RAB37: variants seen among roughly 807,000 people sequenced by gnomAD.
RAB37 encodes the protein RAB37, member RAS oncogene family, also known as ras-related protein Rab-37.
Under a neutral mutation model 33.1 loss-of-function variants are expected in RAB37, and 29 were observed. The observed-to-expected ratio is 0.88, with a 90% CI of 0.65 to 1.20. RAB37 has a LOEUF of 1.20. Among genes scored for constraint, RAB37 ranks in the 50% most tolerant of loss-of-function variants. The pLI is 0.00. For missense variants in RAB37, 299 were observed against 301.1 expected, an observed-to-expected ratio of 0.99 and a Z score of 0.05; for synonymous variants, 128 against 119.5, an observed-to-expected ratio of 1.07 and a Z score of -0.47.
At position 74,671,613 on chromosome 17, in the gene RAB37, C is replaced by G. The variant is rs747745583; in HGVS notation, c.27C>G (p.Tyr9Ter). The change falls in exon 1 of 8, where the codon TAC becomes TAG. Residue 9 changes from tyrosine to a stop codon, truncating the protein, a stop_gained. Transcript: ENST00000340415. LOFTEE classifies it high-confidence loss of function. This position sits in a 1 kb window ranked among gnomAD's most constrained non-coding sequence, Gnocchi z 5.0. ...TGGACCTGCAGAGACCCGATTCCTA[C>G]CAGGGAGGAGCTGGCCCTGACTTCA... The G allele has an allele frequency of 6.2e-7, 1 of 1,614,214 alleles. No individual in the cohort carries two copies. Among genetic ancestry groups the G allele is most frequent in the South Asian group, 1.1e-5 (1 of 91,088 alleles).
In RAB37 at chr17:74,744,174, C is replaced by G; in HGVS notation, c.367-134C>G. On this transcript the variant is annotated intron_variant, in intron 5 of 8. Transcript: ENST00000392613. The surrounding 1 kb of genome is among the most constrained non-coding windows in gnomAD (Gnocchi z 4.2). ...CCATCCAGGCCTGGATGGGCCAGAA[C>G]AAAGGTACAGATGAGAGAACGCACA... 1 of 854,390 alleles carries G rather than the reference C, an allele frequency of 1.2e-6. No homozygotes were observed. Among genetic ancestry groups the G allele is most frequent in the Non-Finnish European group, 1.8e-6 (1 of 553,140 alleles). 52.9% of individuals were successfully genotyped at this position (854,390 alleles called of 1,614,324 possible).
chr17:74,742,316 T>A lies in RAB37; in HGVS notation c.246+21T>A, dbSNP rs2034638749. On this transcript the variant is annotated intron_variant, in intron 3 of 8. Transcript: ENST00000392613. This position sits in a 1 kb window ranked among gnomAD's most constrained non-coding sequence, Gnocchi z 4.0. ...TGCAGGTGAGACCAGAGGCTGGAGT[T>A]GGGGAGGGAGGATGGAGGACCTGCC... The A allele has an allele frequency of 6.3e-7, 1 of 1,599,988 alleles. No individual in the cohort carries two copies. Among genetic ancestry groups the A allele is most frequent in the Non-Finnish European group, 8.6e-7 (1 of 1,168,810 alleles).
chr17:74,695,711 C>A (rs2032388453), intron 1 of RAB37: 1 of 1,613,960 alleles, frequency 6.2e-7, no homozygotes, highest in South Asian at 1.1e-5. Flanking sequence ...CAGCAGCCCC[C>A]ATGGAGGACG....
At chr17:74,695,029 G>C (rs982481740) in intron 1 of RAB37, 1 of 1,526,624 alleles carries the variant, frequency 6.6e-7, no homozygotes, top group African/African-American at 1.4e-5. Context: ...GGGAGCAGGG[G>C]GCAGACGGTC....
Position 74,745,498 on chromosome 17 carries a change from C to T in RAB37, c.*87C>T, listed in dbSNP as rs893976761. The T allele has an allele frequency of 1.1e-5, 12 of 1,092,728 alleles. No individual in the cohort carries two copies. The highest frequency in any genetic ancestry group is 9.7e-5 in the East Asian group (4 of 41,116). 67.7% of individuals were successfully genotyped at this position (1,092,728 alleles called of 1,614,324 possible). A position where few individuals can be genotyped will look rare whatever the true frequency, so the allele number is the denominator to read the frequency against. Reference sequence around the variant, plus strand: ...CCTGGCTTATTCCAAGAGGCTGAGCCAATGGGGAGAAAGATGGAGGACTCA... The same window carrying T: ...CCTGGCTTATTCCAAGAGGCTGAGCTAATGGGGAGAAAGATGGAGGACTCA... On this transcript the variant is annotated 3_prime_UTR_variant, in exon 9 of 9. Coordinates refer to ENST00000392613, the MANE Select transcript of RAB37 (RefSeq NM_001006638.3). This position sits in a 1 kb window ranked among gnomAD's most constrained non-coding sequence, Gnocchi z 4.5.
At position 74,671,410 on chromosome 17, in the gene RAB37, C is replaced by G. The variant is rs1401576911; in HGVS notation, c.-177C>G. On this transcript the variant is annotated 5_prime_UTR_variant, in exon 1 of 8. Coordinates refer to the RAB37 transcript ENST00000340415. The surrounding 1 kb of genome is among the most constrained non-coding windows in gnomAD (Gnocchi z 5.0). ...AGTCCTGGAAGAACGTGGCCGCCTG[C>G]CCGCCTGGTACCGCGCCGCGGCCGC... The G allele has an allele frequency of 1.6e-6, 1 of 610,876 alleles. No individual in the cohort carries two copies. Among genetic ancestry groups the G allele is most frequent in the African/African-American group, 1.9e-5 (1 of 54,016 alleles). The allele number at this position is 610,876 out of a possible 1,614,324, so 37.8% of individuals were successfully genotyped here.
rs1250491007 is a variant in RAB37 at position 74,676,075 on chromosome 17, G to C, written c.72+4417G>C. Among the ~76,000 whole-genome samples, 1 of 152,130 alleles carries C rather than the reference G, an allele frequency of 6.6e-6. No individual in the cohort carries two copies. Among genetic ancestry groups the C allele is most frequent in the Non-Finnish European group, 1.5e-5 (1 of 68,022 alleles). ...TCCAGGGCAATGGTCTGGGGTAGGGGTTCAGGAACAGCCCACGGATTGGGT... is the reference window on the plus strand; with the variant it reads ...TCCAGGGCAATGGTCTGGGGTAGGGCTTCAGGAACAGCCCACGGATTGGGT... On this transcript the variant is annotated intron_variant, in intron 1 of 7. Coordinates refer to the RAB37 transcript ENST00000340415. The surrounding 1 kb of genome is among the most constrained non-coding windows in gnomAD (Gnocchi z 4.1).
rs1024943495 is a variant in RAB37 at position 74,738,566 on chromosome 17, A to G, written c.93+1201A>G. Among the ~76,000 whole-genome samples, 6 of 152,288 alleles carry G rather than the reference A, an allele frequency of 3.9e-5. No individual in the cohort carries two copies. The highest frequency in any genetic ancestry group is 7.2e-5 in the African/African-American group (3 of 41,562). On this transcript the variant is annotated intron_variant, in intron 1 of 8. Transcript: ENST00000392613. This position sits in a 1 kb window ranked among gnomAD's most constrained non-coding sequence, Gnocchi z 5.0. ...TCACCGAGCTGGGTGGGTAGCTGGCATCGTTTGCTCAAGGCAGCTGTGATC... is the reference window on the plus strand; with the variant it reads ...TCACCGAGCTGGGTGGGTAGCTGGCGTCGTTTGCTCAAGGCAGCTGTGATC...
intron 1 of RAB37, among the ~76,000 whole-genome samples, chr17:74,690,137 G>A (rs987228257): frequency 6.6e-6 from 1 of 152,056 alleles, no homozygotes; most frequent in Non-Finnish European, 1.5e-5. Flanking sequence ...TTTTGGTGGA[G>A]ATATCCTTTT....
rs1013378088 is a variant in RAB37 at position 74,742,915 on chromosome 17, G to A, written c.247-214G>A. Among the ~76,000 whole-genome samples the A allele has an allele frequency of 3.3e-5, 5 of 152,108 alleles. No individual in the cohort carries two copies. Among genetic ancestry groups the A allele is most frequent in the African/African-American group, 4.8e-5 (2 of 41,402 alleles). The stretch of plus-strand genomic sequence containing the variant: ...GCTGGGATTACAGGTGTAAGCCACC[G>A]CGCTCGGCTGAGGAGATGATTTTGA... On this transcript the variant is annotated intron_variant, in intron 3 of 8. Transcript: ENST00000392613. This position sits in a 1 kb window ranked among gnomAD's most constrained non-coding sequence, Gnocchi z 4.0.
At chr17:74,678,805 T>C (rs1289844571) in intron 1 of RAB37, among the ~76,000 whole-genome samples, 1 of 152,106 alleles carries the variant, frequency 6.6e-6, no homozygotes, top group Admixed American at 6.5e-5. Flanking sequence ...TAGCTTTTGT[T>C]ATGAGCCTTT....
At chr17:74,743,248 G>C (rs1239410464) in intron 4 of RAB37, 40 bp from the exon 5 acceptor site, 7 of 1,613,880 alleles carry the variant, frequency 4.3e-6, no homozygotes, top group Non-Finnish European at 5.9e-6. Context: ...TAGCATCCGT[G>C]CTGCTGCCTA....
At position 74,738,293 on chromosome 17, in the gene RAB37, G is replaced by A. The variant is rs1012698416; in HGVS notation, c.93+928G>A. Reference sequence around the variant, plus strand: ...CCGACACCAGGGCTCACCCTTGCTGGGAGCCTCAGCCTCCACCCCAGTGTT... The same window carrying A: ...CCGACACCAGGGCTCACCCTTGCTGAGAGCCTCAGCCTCCACCCCAGTGTT... On this transcript the variant is annotated intron_variant, in intron 1 of 8. Coordinates refer to ENST00000392613, the MANE Select transcript of RAB37 (RefSeq NM_001006638.3). The surrounding 1 kb of genome is among the most constrained non-coding windows in gnomAD (Gnocchi z 5.0). Among the ~76,000 whole-genome samples, 3 of 152,164 alleles carry A rather than the reference G, an allele frequency of 2.0e-5. No individual in the cohort carries two copies. Among genetic ancestry groups the A allele is most frequent in the Non-Finnish European group, 4.4e-5 (3 of 68,024 alleles).
chr17:74,672,651 T>C (rs1241998206), intron 1 of RAB37: 3 of 152,222 alleles, frequency 2.0e-5, no homozygotes, highest in Non-Finnish European at 4.4e-5. Flanking sequence ...GCAGAGCTGA[T>C]ACTAAAAGCC....
chr17:74,736,972 G>T, upstream of RAB37: 1 of 1,562,190 alleles, frequency 6.4e-7, no homozygotes, highest in Non-Finnish European at 8.7e-7. Flanking sequence ...TCCCCCAGGG[G>T]CAAGCAAGCG....
At chr17:74,716,909 G>A (rs533605048) in intron 1 of RAB37, among the ~76,000 whole-genome samples, 6 of 152,162 alleles carry the variant, frequency 3.9e-5, no homozygotes, top group Non-Finnish European at 5.9e-5. Context: ...CAAGGTAGGC[G>A]GATCACCTGA....
chr17:74,728,460 CTG>C (rs1433639235), intron 1 of RAB37, among the ~76,000 whole-genome samples: 10 of 148,932 alleles, frequency 6.7e-5, no homozygotes, highest in East Asian at 4.0e-4. Flanking sequence ...ACAAGTGTGT[CTG>C]TGTCTGTATA....
chr17:74,736,963 C>A (rs1442269490), upstream of RAB37: 1 of 1,546,546 alleles, frequency 6.5e-7, no homozygotes, highest in African/African-American at 1.4e-5. Flanking sequence ...GCGGCCCGCT[C>A]CCCCAGGGGC....
At chr17:74,679,110 CA>C (rs36065654) in intron 1 of RAB37, among the ~76,000 whole-genome samples, 3,394 of 122,706 alleles carry the variant, frequency 0.028, 58 homozygotes, top group Admixed American at 0.084. Context: ...GACTCTGTCT[CA>C]AAAAAAAAAA....
Sources: allele counts gnomAD v4.1 joint callset (sites outside exome capture counted in the v4.1 genomes callset), GRCh38; gene constraint gnomAD v4.1.1; non-coding constraint Gnocchi (gnomAD v3.1); transcripts MANE v1.5; gene names NCBI Gene and HGNC (gene_info 2026-07-23, HGNC 2026-07-21).